Variants in SFXN2 observed in about 807,000 individuals in gnomAD.
The protein encoded by SFXN2 is sideroflexin-2.
In SFXN2, 37 loss-of-function variants were observed where a neutral mutation model predicts 41.9. That is an observed-to-expected ratio of 0.88 (90% CI 0.68 to 1.16). SFXN2 has a LOEUF of 1.16. Among genes scored for constraint, SFXN2 ranks in the 50% most tolerant of loss-of-function variants. SFXN2 has a pLI of 0.00. For missense variants in SFXN2, 386 were observed against 425.2 expected (o/e 0.91, Z 0.81); for synonymous variants, 150 against 156.7 (o/e 0.96, Z 0.32).
chr10:102,717,647 G>C (rs559519413), intron 1 of SFXN2: 1 of 474,230 alleles, frequency 2.1e-6, no homozygotes, highest in Non-Finnish European at 2.8e-6. Context: ...GTACAGGCAA[G>C]GTAGACAGTT....
rs1842786018 is a variant in SFXN2 at position 102,741,652 on chromosome 10, GCCTTGGCCTCCC to G, written c.*3891_*3902del. On this transcript the variant is annotated 3_prime_UTR_variant, in exon 12 of 12. Coordinates refer to ENST00000369893, the MANE Select transcript of SFXN2 (RefSeq NM_178858.6). ...ACCCCTGACCTCAAGCAATCCTCAT[GCCTTGGCCTCCC>G]AAAGTGTTGGGATTACAGGCGTGAG... 1 of 152,248 alleles carries G rather than the reference GCCTTGGCCTCCC, an allele frequency of 6.6e-6. No homozygotes were observed. Among genetic ancestry groups the G allele is most frequent in the African/African-American group, 2.4e-5 (1 of 41,460 alleles). 9.4% of individuals were successfully genotyped at this position (152,248 alleles called of 1,614,324 possible).
At chr10:102,729,196 T>A in intron 4 of SFXN2, 123 bp from the exon 5 acceptor site, 2 of 840,916 alleles carry the variant, frequency 2.4e-6, no homozygotes, top group Non-Finnish European at 3.8e-6. Context: ...AAGATAAGGC[T>A]GGGGACAGAT....
intron 10 of SFXN2, 146 bp from the exon 11 acceptor site, chr10:102,735,716 C>T (rs1564747358): frequency 7.6e-6 from 6 of 790,646 alleles, no homozygotes; most frequent in Non-Finnish European, 1.3e-5. Flanking sequence ...ACTGCGGGAA[C>T]AGGAGGAGGG....
intron 11 of SFXN2, 108 bp downstream of exon 11, chr10:102,736,017 C>A (rs766858975): frequency 9.1e-7 from 1 of 1,097,828 alleles, no homozygotes. Flanking sequence ...AAGGGCAGCA[C>A]CTGTCTGAGG....
chr10:102,728,629 A>T, intron 4 of SFXN2, 100 bp downstream of exon 4: 3 of 964,246 alleles, frequency 3.1e-6, no homozygotes, highest in Non-Finnish European at 4.9e-6. Flanking sequence ...ACCTGCACTG[A>T]GCAGGTGACC....
intron 1 of SFXN2, among the ~76,000 whole-genome samples, chr10:102,718,644 T>C (rs1315832640): frequency 2.0e-5 from 3 of 152,230 alleles, no homozygotes; most frequent in Non-Finnish European, 4.4e-5. Context: ...GGATACTCCA[T>C]ATTGAGCCTC....
rs141735494 is a variant in SFXN2 at position 102,727,136 on chromosome 10, G to A, written c.311G>A (p.Gly104Asp). 3.1e-6 allele frequency: 5 copies of A among 1,603,034 alleles called. No individual in the cohort carries two copies. The highest frequency in any genetic ancestry group is 4.3e-6 in the Non-Finnish European group (5 of 1,170,780). ...FQLPGGMIIT[G>D]FMLQFYRTMP... The stretch of plus-strand genomic sequence containing the variant: ...CTTCCTGGCGGCATGATCATCACGG[G>A]CTTCATGCTCCAGTTCTACAGGTGG... Residue 104 changes from glycine (G) to aspartate (D), a missense_variant, in exon 3 of 12, where the codon GGC (glycine) becomes GAC (aspartate). Coordinates refer to ENST00000369893, the MANE Select transcript of SFXN2 (RefSeq NM_178858.6).
intron 6 of SFXN2, among the ~76,000 whole-genome samples, chr10:102,730,512 G>A (rs992035183): frequency 1.3e-5 from 2 of 152,202 alleles, no homozygotes; most frequent in African/African-American, 4.8e-5. Flanking sequence ...TCTTTGTAGA[G>A]GAAGCACTAC....
At chr10:102,729,185 C>T (rs2064660059) in intron 4 of SFXN2, 134 bp from the exon 5 acceptor site, 1 of 756,910 alleles carries the variant, frequency 1.3e-6, no homozygotes, top group Non-Finnish European at 2.2e-6. Flanking sequence ...GAGAGGGTCA[C>T]AAGATAAGGC....
At chr10:102,729,537 A>C in intron 5 of SFXN2, 143 bp downstream of exon 5, 1 of 1,133,386 alleles carries the variant, frequency 8.8e-7, no homozygotes. Flanking sequence ...TGAGAAATAC[A>C]CCAGGGCCGT....
At chr10:102,729,538 C>G in intron 5 of SFXN2, 144 bp downstream of exon 5, 1 of 1,122,008 alleles carries the variant, frequency 8.9e-7, no homozygotes, top group Non-Finnish European at 1.3e-6. Flanking sequence ...GAGAAATACA[C>G]CAGGGCCGTC....
intron 8 of SFXN2, among the ~76,000 whole-genome samples, chr10:102,732,630 T>A (rs1282229393): frequency 1.3e-5 from 2 of 152,238 alleles, no homozygotes; most frequent in African/African-American, 2.4e-5. Context: ...TTTCCTGATA[T>A]TGCAAGTGTG....
At chr10:102,718,691 G>A (rs1482891636) in intron 1 of SFXN2, among the ~76,000 whole-genome samples, 1 of 152,158 alleles carries the variant, frequency 6.6e-6, no homozygotes, top group Non-Finnish European at 1.5e-5. Flanking sequence ...AGGAAATGGC[G>A]TACCTCCAGC....
In SFXN2 at chr10:102,729,808, A is replaced by G; in HGVS notation, c.593A>G (p.Gln198Arg). ...GTCAATATCCCCATGATGCGACAGCAGTGAGTAAAGGCCCCTTTTTCTCCC... is the reference window on the plus strand; with the variant it reads ...GTCAATATCCCCATGATGCGACAGCGGTGAGTAAAGGCCCCTTTTTCTCCC... ...NCVNIPMMRQ[Q>R]ELIKGICVKD... Residue 198 changes from glutamine (Q) to arginine (R), a missense_variant and splice_region_variant, in exon 6 of 12, where the codon CAG becomes CGG. Physicochemically the swap from Gln to Arg is conservative, Grantham distance 43. Transcript: ENST00000369893. 1 of 1,613,996 alleles carries G rather than the reference A, an allele frequency of 6.2e-7. No homozygotes were observed.
At chr10:102,736,832 T>C (rs1590157134) in intron 11 of SFXN2, among the ~76,000 whole-genome samples, 1 of 150,950 alleles carries the variant, frequency 6.6e-6, no homozygotes, top group Admixed American at 6.6e-5. Flanking sequence ...ATTACAGGCG[T>C]GAGCCACCGT....
At chr10:102,729,229 A>G in intron 4 of SFXN2, 90 bp from the exon 5 acceptor site, 2 of 1,253,322 alleles carry the variant, frequency 1.6e-6, no homozygotes, top group South Asian at 2.5e-5. Context: ...TCACGCACGA[A>G]GCCTCGCCAG....
At chr10:102,728,936 G>A (rs980986561) in intron 4 of SFXN2, among the ~76,000 whole-genome samples, 1 of 152,122 alleles carries the variant, frequency 6.6e-6, no homozygotes, top group African/African-American at 2.4e-5. Flanking sequence ...GAAAACCAGG[G>A]TTGCAAGGCA....
chr10:102,734,878 T>G lies in SFXN2; in HGVS notation c.822-984T>G, dbSNP rs1298427217. Among the ~76,000 whole-genome samples, 1 of 152,156 alleles carries G rather than the reference T, an allele frequency of 6.6e-6. No homozygotes were observed. Among genetic ancestry groups the G allele is most frequent in the Non-Finnish European group, 1.5e-5 (1 of 68,018 alleles). On this transcript the variant is annotated intron_variant, in intron 10 of 11. Transcript: ENST00000369893. The surrounding 1 kb of genome is among the most constrained non-coding windows in gnomAD (Gnocchi z 4.1). ...TCGTTGGCATCCTCTGATAACTTGTTAGAAGTAAAGACTCTGAAGTCCTTC... is the reference window on the plus strand; with the variant it reads ...TCGTTGGCATCCTCTGATAACTTGTGAGAAGTAAAGACTCTGAAGTCCTTC...
chr10:102,717,005 T>G (rs1004947422), intron 1 of SFXN2, among the ~76,000 whole-genome samples: 22 of 152,108 alleles, frequency 1.4e-4, no homozygotes, highest in Admixed American at 8.5e-4. Flanking sequence ...CAGGGCCAAG[T>G]GTATCAAAAA....
Sources: allele counts gnomAD v4.1 joint callset (sites outside exome capture counted in the v4.1 genomes callset), GRCh38; gene constraint gnomAD v4.1.1; non-coding constraint Gnocchi (gnomAD v3.1); transcripts MANE v1.5; gene names NCBI Gene and HGNC (gene_info 2026-07-23, HGNC 2026-07-21).